ZNF385D: variants seen among roughly 807,000 people sequenced by gnomAD.
ZNF385D encodes the protein zinc finger protein 385D.
Under a neutral mutation model 35.8 loss-of-function variants are expected in ZNF385D, and 15 were observed. The observed-to-expected ratio is 0.42, with a 90% confidence interval of 0.28 to 0.64. The LOEUF (loss-of-function observed/expected upper bound fraction) is 0.64. Ranked by LOEUF, ZNF385D falls within the 30% of genes least tolerant of loss-of-function variation. The pLI, the probability that ZNF385D is intolerant of heterozygous loss-of-function variation, is 0.23. For missense variants in ZNF385D, 474 were observed against 494.6 expected, an observed-to-expected ratio of 0.96 and a Z score of 0.39; for synonymous variants, 212 against 186.8, an observed-to-expected ratio of 1.13 and a Z score of -1.10.
At chr3:21,520,020 C>T (rs1707810496) in intron 3 of ZNF385D, among the ~76,000 whole-genome samples, 1 of 152,216 alleles carries the variant, frequency 6.6e-6, no homozygotes, top group South Asian at 2.1e-4. Context: ...CAAATGCTCC[C>T]CTCTCTGCTA....
intron 3 of ZNF385D, among the ~76,000 whole-genome samples, chr3:22,011,482 T>C (rs895502653): frequency 1.3e-5 from 2 of 152,092 alleles, no homozygotes; most frequent in African/African-American, 4.8e-5. Context: ...AGAACAACTC[T>C]TACTATCATG....
chr3:21,667,360 C>T (rs1475080051), intron 1 of ZNF385D, among the ~76,000 whole-genome samples: 1 of 152,050 alleles, frequency 6.6e-6, no homozygotes, highest in Non-Finnish European at 1.5e-5. Context: ...CGGGTTTTTG[C>T]TATGTTGCCT....
intron 4 of ZNF385D, among the ~76,000 whole-genome samples, chr3:21,497,487 TTC>T (rs1285121205): frequency 6.6e-6 from 1 of 152,186 alleles, no homozygotes; most frequent in Non-Finnish European, 1.5e-5. Context: ...AATTGATAGA[TTC>T]AATGCTATTC....
At chr3:22,087,812 A>T (rs1268125012) in intron 3 of ZNF385D, among the ~76,000 whole-genome samples, 6 of 152,204 alleles carry the variant, frequency 3.9e-5, no homozygotes. Context: ...CAGTGAGAAT[A>T]ATCAAAGTTT....
At chr3:21,921,506 G>A (rs541551853) in intron 3 of ZNF385D, among the ~76,000 whole-genome samples, 1 of 149,608 alleles carries the variant, frequency 6.7e-6, no homozygotes, top group Non-Finnish European at 1.5e-5. Flanking sequence ...TTTTTCATAT[G>A]CCCAGAAGTA....
At chr3:21,759,809 T>C (rs181734780) in intron 3 of ZNF385D, among the ~76,000 whole-genome samples, 1 of 152,220 alleles carries the variant, frequency 6.6e-6, no homozygotes, top group Non-Finnish European at 1.5e-5. Context: ...TTCTTCATGA[T>C]AAATTGAGTG....
At chr3:21,908,116 C>A (rs1389431569) in intron 3 of ZNF385D, among the ~76,000 whole-genome samples, 1 of 123,502 alleles carries the variant, frequency 8.1e-6, no homozygotes, top group Non-Finnish European at 1.8e-5. Context: ...ATCTTTCTCT[C>A]TATATCTATC....
intron 3 of ZNF385D, among the ~76,000 whole-genome samples, chr3:22,057,075 T>C (rs1699441374): frequency 6.6e-6 from 1 of 152,228 alleles, no homozygotes; most frequent in Non-Finnish European, 1.5e-5. Flanking sequence ...AAACTAATAA[T>C]TTAACCTACC....
intron 3 of ZNF385D, among the ~76,000 whole-genome samples, chr3:22,138,238 T>C (rs1050625260): frequency 2.6e-5 from 4 of 152,290 alleles, no homozygotes; most frequent in African/African-American, 9.6e-5. Flanking sequence ...ATGGCCATAC[T>C]GCCCAAGGCA....
intron 3 of ZNF385D, among the ~76,000 whole-genome samples, chr3:21,817,258 C>G (rs181023729): frequency 2.3e-4 from 35 of 152,308 alleles, no homozygotes; most frequent in Admixed American, 1.0e-3. Context: ...CAATACCATT[C>G]AGGACATAGG....
intron 2 of ZNF385D, among the ~76,000 whole-genome samples, chr3:21,613,180 T>C (rs1387085039): frequency 6.6e-6 from 1 of 152,022 alleles, no homozygotes; most frequent in East Asian, 1.9e-4. Flanking sequence ...ACATCAAACT[T>C]ATACAGGAAA....
At chr3:22,111,234 T>C (rs916260335) in intron 3 of ZNF385D, among the ~76,000 whole-genome samples, 22 of 138,312 alleles carry the variant, frequency 1.6e-4, no homozygotes, top group African/African-American at 5.7e-4. Flanking sequence ...AAAGCATCTA[T>C]AAACTGCTAT....
chr3:21,495,735 C>A (rs1705787829), intron 4 of ZNF385D, among the ~76,000 whole-genome samples: 1 of 151,832 alleles, frequency 6.6e-6, no homozygotes, highest in African/African-American at 2.4e-5. Flanking sequence ...TGTAAAAAAA[C>A]ATACAAAAGA....
chr3:22,139,172 G>A (rs1704338585), intron 3 of ZNF385D, among the ~76,000 whole-genome samples: 1 of 152,080 alleles, frequency 6.6e-6, no homozygotes, highest in African/African-American at 2.4e-5. Context: ...TGGTGGGACT[G>A]TAAACTAGTT....
chr3:21,772,497 G>A (rs1225845974), intron 3 of ZNF385D, among the ~76,000 whole-genome samples: 1 of 151,816 alleles, frequency 6.6e-6, no homozygotes, highest in Non-Finnish European at 1.5e-5. Context: ...AAACATTAGA[G>A]AAATGCACAT....
At chr3:21,576,903 T>C (rs1200225799) in intron 2 of ZNF385D, among the ~76,000 whole-genome samples, 1 of 152,214 alleles carries the variant, frequency 6.6e-6, no homozygotes, top group Non-Finnish European at 1.5e-5. Flanking sequence ...TGCATATTTA[T>C]GGGGTAACAT....
Position 21,943,733 on chromosome 3 carries a change from T to C in ZNF385D, c.325+225084A>G, listed in dbSNP as rs1270385317. On this transcript the variant is annotated intron_variant, in intron 3 of 5. Coordinates refer to the ZNF385D transcript ENST00000494108. Reference sequence around the variant, plus strand: ...AAAGTGAGAGATTTTACTAACCAGATATAATTTTGCTAGCAAAGAAGGAAA... The same window carrying C: ...AAAGTGAGAGATTTTACTAACCAGACATAATTTTGCTAGCAAAGAAGGAAA... 2.0e-5 allele frequency among the ~76,000 whole-genome samples: 3 copies of C among 152,124 alleles called. No homozygotes were observed. In the East Asian group the frequency reaches 5.8e-4, roughly 29 times the overall value.
At chr3:22,040,682 C>T (rs1386362401) in intron 3 of ZNF385D, among the ~76,000 whole-genome samples, 3 of 152,084 alleles carry the variant, frequency 2.0e-5, no homozygotes, top group African/African-American at 7.2e-5. Context: ...GGAGACTTGG[C>T]AATTTTTGGT....
At position 21,911,480 on chromosome 3, in the gene ZNF385D, T is replaced by C. The variant is rs61402508; in HGVS notation, c.326-246452A>G. Among the ~76,000 whole-genome samples, 229 of 152,056 alleles carry C rather than the reference T, an allele frequency of 1.5e-3. 1 individual carries two copies. The highest frequency in any genetic ancestry group is 5.2e-3 in the African/African-American group (216 of 41,512). ...TAGATATGTGACTCTAGGTAAGTTA[T>C]ACAAATTCTAAAGGTTTTTTATTTG... On this transcript the variant is annotated intron_variant, in intron 3 of 5. Transcript: ENST00000494108.
Sources: gnomAD v4.1 joint callset for allele counts (sites outside exome capture counted in the v4.1 genomes callset) on GRCh38, gnomAD v4.1.1 for gene constraint, MANE v1.5 for transcripts, NCBI Gene and HGNC (gene_info 2026-07-23, HGNC 2026-07-21) for gene names.